The following DLG2 variants were observed in gnomAD, a reference collection of about 807,000 sequenced individuals.
The protein encoded by DLG2 is disks large homolog 2.
DLG2 carries 45 observed loss-of-function variants against 132.5 expected under a neutral mutation model. That is an observed-to-expected ratio of 0.34 (90% CI 0.27 to 0.44). The LOEUF (loss-of-function observed/expected upper bound fraction) is 0.44, where lower values mean the gene tolerates loss of function less well. DLG2 is among the 20% of genes least tolerant of loss of function. DLG2 has a pLI of 1.00. For missense variants in DLG2, 1,045 were observed against 1,196.9 expected (o/e 0.87, Z 1.87); for synonymous variants, 424 against 419.6 (o/e 1.01, Z -0.13).
chr11:84,628,639 C>T (rs2099626743), intron 6 of DLG2, among the ~76,000 whole-genome samples: 1 of 152,160 alleles, frequency 6.6e-6, no homozygotes, highest in South Asian at 2.1e-4. Flanking sequence ...TCAAGTCTTT[C>T]TCAGAAGCTT....
intron 18 of DLG2, among the ~76,000 whole-genome samples, chr11:83,672,774 A>T (rs1023902152): frequency 6.6e-6 from 1 of 151,676 alleles, no homozygotes; most frequent in African/African-American, 2.4e-5. Context: ...TCTTCAAGAA[A>T]CTCTCAGGCT....
chr11:83,480,918 A>T (rs1373517683), intron 22 of DLG2, among the ~76,000 whole-genome samples: 2 of 152,100 alleles, frequency 1.3e-5, no homozygotes, highest in East Asian at 3.9e-4. Flanking sequence ...TTTTATTTCT[A>T]TTTAAATAGT....
chr11:85,211,193 TATTTC>T (rs1384585591), intron 4 of DLG2, among the ~76,000 whole-genome samples: 2 of 152,174 alleles, frequency 1.3e-5, no homozygotes, highest in African/African-American at 4.8e-5. Flanking sequence ...TGCTACATAT[TATTTC>T]ATTTATTTGT....
At chr11:83,667,373 T>A (rs1395634124) in intron 18 of DLG2, among the ~76,000 whole-genome samples, 1 of 152,202 alleles carries the variant, frequency 6.6e-6, no homozygotes, top group African/African-American at 2.4e-5. Flanking sequence ...GGGTGGTGAA[T>A]ATGCAGCTGG....
At position 83,473,806 on chromosome 11, in the gene DLG2, C is replaced by T. The variant is rs530724254; in HGVS notation, c.2294-1029G>A. ...AGTCTATCAATGCCAGGTTTTCCTC[C>T]TTCAACAGCCACAGCACCACAGAAA... is the stretch of plus-strand genomic sequence containing the variant. On this transcript the variant is annotated intron_variant, in intron 22 of 27. Coordinates refer to ENST00000376104, the MANE Select transcript of DLG2 (RefSeq NM_001142699.3). Among the ~76,000 whole-genome samples, 3 of 152,202 alleles carry T rather than the reference C, an allele frequency of 2.0e-5. No individual in the cohort carries two copies. The South Asian group carries it at 6.2e-4, about 32-fold the overall frequency.
chr11:85,559,827 G>GATAA (rs1165883836), intron 3 of DLG2, among the ~76,000 whole-genome samples: 1 of 141,912 alleles, frequency 7.0e-6, no homozygotes, highest in East Asian at 2.0e-4. Flanking sequence ...TTGATAGATA[G>GATAA]ATAGATAGAT....
chr11:83,635,612 C>T (rs971701328), intron 18 of DLG2, among the ~76,000 whole-genome samples: 7 of 152,092 alleles, frequency 4.6e-5, no homozygotes, highest in Non-Finnish European at 7.4e-5. Context: ...TGTGTACATA[C>T]ACACATAACC....
At chr11:83,773,337 C>T (rs750628701) in intron 18 of DLG2, among the ~76,000 whole-genome samples, 1 of 152,204 alleles carries the variant, frequency 6.6e-6, no homozygotes, top group Non-Finnish European at 1.5e-5. Context: ...AAGAAACACA[C>T]ATGAGAGCGC....
chr11:84,298,812 A>G (rs1321077038), intron 7 of DLG2, among the ~76,000 whole-genome samples: 4 of 152,198 alleles, frequency 2.6e-5, no homozygotes, highest in Non-Finnish European at 4.4e-5. Flanking sequence ...ATTTGGCTGG[A>G]GACTGCATGG....
chr11:83,986,682 T>C (rs1253573970), intron 11 of DLG2, among the ~76,000 whole-genome samples: 1 of 152,014 alleles, frequency 6.6e-6, no homozygotes, highest in Non-Finnish European at 1.5e-5. Context: ...ACCGACAGTG[T>C]AAAAGTGTTC....
chr11:84,767,632 T>A (rs1409152916), intron 6 of DLG2, among the ~76,000 whole-genome samples: 1 of 152,070 alleles, frequency 6.6e-6, no homozygotes, highest in Non-Finnish European at 1.5e-5. Flanking sequence ...AGATTTTTTT[T>A]TTTATTAAGC....
At chr11:84,861,682 T>C (rs973118406) in intron 6 of DLG2, among the ~76,000 whole-genome samples, 4 of 102,288 alleles carry the variant, frequency 3.9e-5, no homozygotes, top group Admixed American at 1.2e-4. Flanking sequence ...ACCTACAGAA[T>C]GGGAGAAAAT....
chr11:83,979,760 C>T (rs924956787), intron 12 of DLG2, among the ~76,000 whole-genome samples: 1 of 152,120 alleles, frequency 6.6e-6, no homozygotes, highest in Non-Finnish European at 1.5e-5. Context: ...TGTGTCTATA[C>T]TGGTTGCACA....
rs1567367280 is a variant in DLG2, at chr11:84,350,187, A to ACC, written c.520-98897_520-98896insGG. Among the ~76,000 whole-genome samples the ACC allele has an allele frequency of 7.7e-3, 1,112 of 144,012 alleles. 6 individuals carry two copies. Among genetic ancestry groups the ACC allele is most frequent in the South Asian group, 0.048 (197 of 4,070 alleles). The allele number at this position is 144,012 out of a possible 152,430, so 94.5% of individuals were successfully genotyped here. ...AGAGAGACTTCGTCCCCCCCCCCAA[A>ACC]AAAAAAAAAAAAAAATCCAGGCTAA... On this transcript the variant is annotated intron_variant, in intron 7 of 27. Coordinates refer to ENST00000376104, the MANE Select transcript of DLG2 (RefSeq NM_001142699.3).
chr11:84,577,620 G>C (rs1469068519), intron 6 of DLG2, among the ~76,000 whole-genome samples: 1 of 152,168 alleles, frequency 6.6e-6, no homozygotes, highest in East Asian at 1.9e-4. Context: ...AAAATTTTAA[G>C]CAGCAAAGCA....
At chr11:84,609,227 G>C (rs2099591052) in intron 6 of DLG2, among the ~76,000 whole-genome samples, 1 of 152,106 alleles carries the variant, frequency 6.6e-6, no homozygotes, top group South Asian at 2.1e-4. Context: ...GGGTAAGTTA[G>C]TTAACCTCTC....
intron 7 of DLG2, among the ~76,000 whole-genome samples, chr11:84,328,692 A>G (rs923909929): frequency 6.6e-6 from 1 of 152,210 alleles, no homozygotes; most frequent in Non-Finnish European, 1.5e-5. Flanking sequence ...CTGACTTGCC[A>G]GTGTAATTCA....
At chr11:83,864,533 G>A (rs986947003) in intron 16 of DLG2, among the ~76,000 whole-genome samples, 1 of 152,174 alleles carries the variant, frequency 6.6e-6, no homozygotes, top group African/African-American at 2.4e-5. Context: ...ATAAGCAGGA[G>A]CCTTTACCAA....
At chr11:85,073,707 T>C (rs1000232234) in intron 6 of DLG2, among the ~76,000 whole-genome samples, 2 of 151,816 alleles carry the variant, frequency 1.3e-5, no homozygotes, top group African/African-American at 2.4e-5. Flanking sequence ...TTTCAAGAAG[T>C]AGGATATTGA....
Sources: gnomAD v4.1 joint callset for allele counts (sites outside exome capture counted in the v4.1 genomes callset) on GRCh38, gnomAD v4.1.1 for gene constraint, MANE v1.5 for transcripts, NCBI Gene and HGNC (gene_info 2026-07-23, HGNC 2026-07-21) for gene names.